Variants in DLG2 observed in about 807,000 individuals in gnomAD.
DLG2 encodes the protein discs large MAGUK scaffold protein 2, also known as disks large homolog 2.
Under a neutral mutation model 132.5 loss-of-function variants are expected in DLG2, and 45 were observed. The ratio of observed to expected loss-of-function variants is 0.34; its 90% CI spans 0.27 to 0.44. DLG2 has a LOEUF of 0.44. Ranked by LOEUF, DLG2 falls within the 20% of genes least tolerant of loss-of-function variation. The pLI, the probability that DLG2 is intolerant of heterozygous loss-of-function variation, is 1.00. For synonymous variants in DLG2, 424 were observed against 419.6 expected (o/e 1.01, Z -0.13); for missense variants, 1,045 against 1,196.9 (o/e 0.87, Z 1.87).
rs989159672 is a variant in DLG2, at chr11:84,883,265, C to T, written c.357+228396G>A. On this transcript the variant is annotated intron_variant, in intron 6 of 27. Coordinates refer to ENST00000376104, the MANE Select transcript of DLG2 (RefSeq NM_001142699.3). Reference sequence around the variant, plus strand: ...ATAAGTGGGAGTTGAACAATGAGAACACATGGACACAGGGAGGGGAACCTC... The same window carrying T: ...ATAAGTGGGAGTTGAACAATGAGAATACATGGACACAGGGAGGGGAACCTC... Among the ~76,000 whole-genome samples, 4 of 151,678 alleles carry T rather than the reference C, an allele frequency of 2.6e-5. No individual in the cohort carries two copies. The South Asian group carries it at 6.2e-4, about 24-fold the overall frequency.
chr11:85,395,900 GA>G (rs1252459888), intron 3 of DLG2, among the ~76,000 whole-genome samples: 5 of 152,202 alleles, frequency 3.3e-5, no homozygotes, highest in Admixed American at 6.5e-5. Context: ...TGACAGCTCT[GA>G]AGAGACCAGT....
chr11:83,627,482 C>A (rs111574273), intron 19 of DLG2, among the ~76,000 whole-genome samples: 8 of 151,952 alleles, frequency 5.3e-5, no homozygotes. Context: ...TCTGTCCTTG[C>A]GACAGTTTGC....
chr11:84,177,256 T>A (rs1192039657), intron 8 of DLG2, among the ~76,000 whole-genome samples: 2 of 152,144 alleles, frequency 1.3e-5, no homozygotes, highest in African/African-American at 4.8e-5. Context: ...TCTTCCATGA[T>A]TCTCCTCTCC....
chr11:85,365,774 T>C (rs1372287440), intron 3 of DLG2, among the ~76,000 whole-genome samples: 1 of 152,206 alleles, frequency 6.6e-6, no homozygotes, highest in African/African-American at 2.4e-5. Flanking sequence ...TGAGTTCATG[T>C]CCTTTGTAGG....
intron 6 of DLG2, among the ~76,000 whole-genome samples, chr11:84,964,788 G>A (rs1046532700): frequency 3.0e-4 from 46 of 152,094 alleles, no homozygotes; most frequent in Admixed American, 8.5e-4. Flanking sequence ...GCAGCTACAG[G>A]AGCCTACCCC....
intron 6 of DLG2, among the ~76,000 whole-genome samples, chr11:84,755,599 AT>A (rs1485086106): frequency 2.0e-5 from 3 of 152,090 alleles, no homozygotes; most frequent in Admixed American, 6.5e-5. Context: ...AATTCTTTGT[AT>A]TTTTAGTGGA....
intron 4 of DLG2, among the ~76,000 whole-genome samples, chr11:85,279,814 C>T (rs2078121964): frequency 6.6e-6 from 1 of 152,094 alleles, no homozygotes. Flanking sequence ...CCTACAATAG[C>T]ATGCACAGTT....
chr11:83,806,087 C>A (rs1594716101), intron 17 of DLG2, among the ~76,000 whole-genome samples: 1 of 152,030 alleles, frequency 6.6e-6, no homozygotes, highest in African/African-American at 2.4e-5. Flanking sequence ...TCCTGTTTTC[C>A]TGGATTCTTT....
intron 4 of DLG2, among the ~76,000 whole-genome samples, chr11:85,200,870 TGTCTGAGCTAATGA>T (rs1350565885): frequency 5.3e-5 from 8 of 151,964 alleles, no homozygotes; most frequent in Non-Finnish European, 7.4e-5. Flanking sequence ...ATCACAGACC[TGTCTGAGCTAATGA>T]ATCTGAGCTT....
At chr11:84,636,941 C>G (rs2099641560) in intron 6 of DLG2, among the ~76,000 whole-genome samples, 1 of 147,604 alleles carries the variant, frequency 6.8e-6, no homozygotes, top group Admixed American at 6.7e-5. Flanking sequence ...ACCACCACAC[C>G]TGCTAATTTT....
At chr11:85,454,095 C>T (rs2092341455) in intron 3 of DLG2, among the ~76,000 whole-genome samples, 1 of 151,396 alleles carries the variant, frequency 6.6e-6, no homozygotes. Context: ...GGAATGATCT[C>T]ATTCTTTTTT....
intron 6 of DLG2, among the ~76,000 whole-genome samples, chr11:84,914,629 A>G (rs985873806): frequency 4.6e-5 from 7 of 152,194 alleles, no homozygotes; most frequent in African/African-American, 1.7e-4. Flanking sequence ...ACCTAAGTCT[A>G]ATAAGGGTGA....
At chr11:83,939,657 A>T in intron 14 of DLG2, among the ~76,000 whole-genome samples, 1 of 152,128 alleles carries the variant, frequency 6.6e-6, no homozygotes, top group East Asian at 1.9e-4. Flanking sequence ...CATTAGTAAC[A>T]CCTAAAGTTG....
intron 4 of DLG2, among the ~76,000 whole-genome samples, chr11:85,239,561 G>A (rs1007527406): frequency 6.6e-6 from 1 of 151,920 alleles, no homozygotes; most frequent in Non-Finnish European, 1.5e-5. Flanking sequence ...TTTTTAAAAT[G>A]TGCATATAAG....
intron 11 of DLG2, among the ~76,000 whole-genome samples, chr11:84,007,182 A>G (rs1360444822): frequency 6.6e-6 from 1 of 151,666 alleles, no homozygotes; most frequent in Non-Finnish European, 1.5e-5. Context: ...TTGCAAGGAC[A>G]TCTTGCTCAC....
At chr11:85,398,648 A>T (rs751510152) in intron 3 of DLG2, among the ~76,000 whole-genome samples, 16 of 152,120 alleles carry the variant, frequency 1.1e-4, no homozygotes, top group Non-Finnish European at 2.1e-4. Context: ...TACTATAAAC[A>T]TCCCTACACA....
At chr11:83,582,296 C>T (rs990226380) in intron 19 of DLG2, among the ~76,000 whole-genome samples, 1 of 152,046 alleles carries the variant, frequency 6.6e-6, no homozygotes, top group Non-Finnish European at 1.5e-5. Context: ...GAATTACTGC[C>T]CCTGGTAATA....
chr11:84,246,521 G>A (rs567053599), intron 8 of DLG2, among the ~76,000 whole-genome samples: 19 of 152,124 alleles, frequency 1.2e-4, no homozygotes, highest in African/African-American at 4.1e-4. Flanking sequence ...TTCCTTTAAG[G>A]GAAAACTTGA....
At chr11:85,504,394 G>A (rs905714167) in intron 3 of DLG2, among the ~76,000 whole-genome samples, 1 of 152,172 alleles carries the variant, frequency 6.6e-6, no homozygotes, top group African/African-American at 2.4e-5. Context: ...TTTGTATAAG[G>A]TGTAAGGGAG....
Sources: allele counts gnomAD v4.1 joint callset (sites outside exome capture counted in the v4.1 genomes callset), GRCh38; gene constraint gnomAD v4.1.1; transcripts MANE v1.5; gene names NCBI Gene and HGNC (gene_info 2026-07-23, HGNC 2026-07-21).